Variants in SUPT16H observed in about 807,000 individuals in gnomAD.
SUPT16H encodes FACT complex subunit SPT16.
Under a neutral mutation model 136.2 loss-of-function variants are expected in SUPT16H, and 24 were observed. The observed-to-expected ratio is 0.18, with a 90% CI of 0.13 to 0.25. The LOEUF (loss-of-function observed/expected upper bound fraction) is 0.25. Ranked by LOEUF, SUPT16H falls within the 10% of genes least tolerant of loss-of-function variation. The pLI, the probability that SUPT16H is intolerant of heterozygous loss-of-function variation, is 1.00. For missense variants in SUPT16H, 623 were observed against 1,270.2 expected (o/e 0.49, Z 7.74); for synonymous variants, 415 against 428.2 (o/e 0.97, Z 0.38).
intron 2 of SUPT16H, 116 bp from the exon 3 acceptor site, chr14:21,372,160 G>A: frequency 8.2e-7 from 1 of 1,215,508 alleles, no homozygotes; most frequent in Non-Finnish European, 1.1e-6. Context: ...TAACTCCAAG[G>A]TAATCAGGCT....
intron 21 of SUPT16H, 27 bp from the exon 22 acceptor site, chr14:21,357,393 C>T: frequency 1.3e-6 from 2 of 1,531,562 alleles, no homozygotes; most frequent in Non-Finnish European, 1.8e-6. Flanking sequence ...GAATCATTAG[C>T]ATATAAGTAT....
rs946963088 is a variant in SUPT16H, at chr14:21,363,070, C to CAG, written c.1474_1475insCT (p.Arg492ProfsTer3). 1 of 1,613,840 alleles carries CAG rather than the reference C, an allele frequency of 6.2e-7. No individual in the cohort carries two copies. The highest frequency in any genetic ancestry group is 8.5e-7 in the Non-Finnish European group (1 of 1,180,024). On this transcript the variant is annotated frameshift_variant, in exon 13 of 26. Coordinates refer to ENST00000216297, the MANE Select transcript of SUPT16H (RefSeq NM_007192.4). LOFTEE classifies it high-confidence loss of function. ...CTGTTCTCCCTTTTGTTCAGTCAAT[C>CAG]GCCTCTTTGCTTCTTCATTGAGTTG...
chr14:21,374,022 C>T (rs1055574670), intron 1 of SUPT16H, among the ~76,000 whole-genome samples: 2 of 152,238 alleles, frequency 1.3e-5, no homozygotes, highest in Admixed American at 1.3e-4. Flanking sequence ...GCCACCATGC[C>T]TGGGCCAAAC....
chr14:21,372,136 A>C (rs1886798459), intron 2 of SUPT16H, 92 bp from the exon 3 acceptor site: 2 of 1,365,788 alleles, frequency 1.5e-6, no homozygotes, highest in Admixed American at 2.6e-5. Flanking sequence ...AGACAAAAAT[A>C]ACATGTCTGA....
chr14:21,372,943 T>C (rs1886819590), intron 2 of SUPT16H, among the ~76,000 whole-genome samples: 1 of 152,068 alleles, frequency 6.6e-6, no homozygotes, highest in African/African-American at 2.4e-5. Flanking sequence ...GACTGAGAAA[T>C]TGAAATTTTT....
intron 1 of SUPT16H, among the ~76,000 whole-genome samples, chr14:21,381,354 T>G (rs947296613): frequency 2.0e-5 from 3 of 152,152 alleles, no homozygotes; most frequent in Non-Finnish European, 1.5e-5. Flanking sequence ...TGCAGATAGG[T>G]AAGGTTAATT....
rs1441762601 is a variant in SUPT16H at position 21,359,470 on chromosome 14, T to A, written c.2301+14A>T. 2.5e-6 allele frequency: 4 copies of A among 1,611,538 alleles called. No homozygotes were observed. Among genetic ancestry groups the A allele is most frequent in the Non-Finnish European group, 2.5e-6 (3 of 1,179,484 alleles). ...CCTCACTATCCTGCAAATACAATACTAAATTTCACAAACCTGCTCAGCATA... is the reference window on the plus strand; with the variant it reads ...CCTCACTATCCTGCAAATACAATACAAAATTTCACAAACCTGCTCAGCATA... On this transcript the variant is annotated intron_variant, in intron 19 of 25. Coordinates refer to ENST00000216297, the MANE Select transcript of SUPT16H (RefSeq NM_007192.4).
At position 21,357,518 on chromosome 14, in the gene SUPT16H, T is replaced by G. The variant is rs528544249; in HGVS notation, c.2491-152A>C. ...GAAAGACTGAGGCAGTACAACATACTAAGAAGCCACAGAAAAAGGATCTGC... is the reference window on the plus strand; with the variant it reads ...GAAAGACTGAGGCAGTACAACATACGAAGAAGCCACAGAAAAAGGATCTGC... On this transcript the variant is annotated intron_variant, in intron 21 of 25. Transcript: ENST00000216297. 4 of 673,930 alleles carry G rather than the reference T, an allele frequency of 5.9e-6. No homozygotes were observed. In the East Asian group the frequency reaches 1.3e-4, roughly 22 times the overall value. 41.7% of individuals were successfully genotyped at this position (673,930 alleles called of 1,614,324 possible).
At position 21,362,683 on chromosome 14, in the gene SUPT16H, T is replaced by C. The variant is rs879008015; in HGVS notation, c.1665+111A>G. The C allele has an allele frequency of 3.2e-6, 4 of 1,249,744 alleles. No individual in the cohort carries two copies. The South Asian group carries it at 5.9e-5, about 19-fold the overall frequency. 77.4% of individuals were successfully genotyped at this position (1,249,744 alleles called of 1,614,324 possible). On this transcript the variant is annotated intron_variant, in intron 14 of 25. Transcript: ENST00000216297. ...GAGGGATGTCAGTAACTGAACAGAG[T>C]CTGAAGGAGTCAAAAGTGGGAGACA... is the stretch of plus-strand genomic sequence containing the variant.
intron 1 of SUPT16H, among the ~76,000 whole-genome samples, chr14:21,380,296 A>ATTTTTTTTT (rs60588939): frequency 0.032 from 3,636 of 111,920 alleles, 166 homozygotes; most frequent in African/African-American, 0.053. Context: ...GGAAGACTGA[A>ATTTTTTTTT]TTTTTTTTTT....
At chr14:21,361,646 G>A (rs1312019270) in intron 15 of SUPT16H, among the ~76,000 whole-genome samples, 3 of 151,858 alleles carry the variant, frequency 2.0e-5, no homozygotes, top group Non-Finnish European at 2.9e-5. Context: ...TTCAAATCTG[G>A]TATAACATCC....
intron 17 of SUPT16H, 96 bp downstream of exon 17, chr14:21,360,750 G>A (rs989997369): frequency 6.6e-6 from 10 of 1,514,266 alleles, no homozygotes; most frequent in Non-Finnish European, 4.4e-6. Flanking sequence ...GAGCTAACCG[G>A]CGGATGGCTC....
At chr14:21,373,076 T>G (rs1024803297) in intron 2 of SUPT16H, among the ~76,000 whole-genome samples, 1 of 152,180 alleles carries the variant, frequency 6.6e-6, no homozygotes, top group African/African-American at 2.4e-5. Context: ...CCTGAGTAGC[T>G]GGGACTACAG....
chr14:21,353,616 C>T (rs369247086), intron 24 of SUPT16H, 51 bp from the exon 25 acceptor site: 28 of 1,606,060 alleles, frequency 1.7e-5, no homozygotes, highest in African/African-American at 8.1e-5. Flanking sequence ...CAGAATGGAA[C>T]GACAGAGTTC....
At chr14:21,359,751 T>C (rs1379658835) in intron 18 of SUPT16H, 142 bp from the exon 19 acceptor site, 4 of 939,816 alleles carry the variant, frequency 4.3e-6, no homozygotes, top group South Asian at 1.8e-5. Context: ...TAAATAATGA[T>C]GCTTGGGAAT....
chr14:21,361,006 A>G, intron 16 of SUPT16H, 34 bp from the exon 17 acceptor site: 1 of 1,612,080 alleles, frequency 6.2e-7, no homozygotes, highest in South Asian at 1.1e-5. Context: ...GAATTGTCAC[A>G]TATCCTTACA....
rs150688617 is a variant in SUPT16H at position 21,372,926 on chromosome 14, C to T, written c.159+412G>A. The stretch of plus-strand genomic sequence containing the variant: ...CCACTGCTGAGTACCAGAAACACAG[C>T]TGATGGGACTGAGAAATTGAAATTT... On this transcript the variant is annotated intron_variant, in intron 2 of 25. Transcript: ENST00000216297. 9.9e-3 allele frequency among the ~76,000 whole-genome samples: 1,505 copies of T among 152,208 alleles called. 15 individuals carry two copies. Among genetic ancestry groups the T allele is most frequent in the Middle Eastern group, 0.024 (7 of 294 alleles).
At chr14:21,363,586 T>C (rs1300378581) in intron 10 of SUPT16H, 83 bp from the exon 11 acceptor site, 6 of 1,191,760 alleles carry the variant, frequency 5.0e-6, no homozygotes, top group South Asian at 1.3e-5. Context: ...GGGCAATGCT[T>C]TGAATCTTTT....
At chr14:21,369,631 A>T (rs1052129632) in intron 5 of SUPT16H, 119 bp downstream of exon 5, 2 of 1,329,538 alleles carry the variant, frequency 1.5e-6, no homozygotes, top group Admixed American at 4.1e-5. Flanking sequence ...TGTAATTACC[A>T]CCAACTTAAG....
Sources: allele counts gnomAD v4.1 joint callset (sites outside exome capture counted in the v4.1 genomes callset), GRCh38; gene constraint gnomAD v4.1.1; transcripts MANE v1.5; gene names NCBI Gene and HGNC (gene_info 2026-07-23, HGNC 2026-07-21).